DMC1: variants seen among roughly 807,000 people sequenced by gnomAD.
DMC1 encodes DNA meiotic recombinase 1, also known as meiotic recombination protein DMC1 homolog.
Under a neutral mutation model 50.1 loss-of-function variants are expected in DMC1, and 27 were observed. That is an observed-to-expected ratio of 0.54 (90% confidence interval 0.40 to 0.74). The LOEUF is 0.74. Among genes scored for constraint, DMC1 ranks in the 30% least tolerant of loss-of-function variants. DMC1 has a pLI of 0.00. For synonymous variants in DMC1, 148 were observed against 136.1 expected, an observed-to-expected ratio of 1.09 and a Z score of -0.61; for missense variants, 295 against 420.2, an observed-to-expected ratio of 0.70 and a Z score of 2.60.
intron 7 of DMC1, among the ~76,000 whole-genome samples, chr22:38,552,379 G>A (rs1285424263): frequency 3.3e-5 from 5 of 152,132 alleles, no homozygotes; most frequent in African/African-American, 4.8e-5. Flanking sequence ...AGAAAAGATG[G>A]AATGGGAAAA....
At chr22:38,533,287 T>C (rs906489285) in intron 12 of DMC1, among the ~76,000 whole-genome samples, 2 of 147,708 alleles carry the variant, frequency 1.4e-5, no homozygotes, top group Non-Finnish European at 3.0e-5. Context: ...CCCAAGCTAC[T>C]AGGGAGGCCG....
At chr22:38,532,792 A>T (rs2090167267) in intron 12 of DMC1, among the ~76,000 whole-genome samples, 1 of 150,310 alleles carries the variant, frequency 6.7e-6, no homozygotes, top group Non-Finnish European at 1.5e-5. Flanking sequence ...GCTAATTTTT[A>T]ATTTTTTTTA....
At position 38,570,094 on chromosome 22, in the gene DMC1, C is replaced by T. The variant is rs952518668; in HGVS notation, c.-85G>A. The T allele has an allele frequency of 3.3e-5, 5 of 152,212 alleles. No homozygotes were observed. The highest frequency in any genetic ancestry group is 6.5e-5 in the Admixed American group (1 of 15,272). The allele number at this position is 152,212 out of a possible 1,614,324, so 9.4% of individuals were successfully genotyped here. A position where few individuals can be genotyped will look rare whatever the true frequency, so the allele number is the denominator to read the frequency against. ...GATTTTCAAGGTGAAGCCCCTCTGC[C>T]CCGCCCGACCTCCTCAGCTGACAGG... On this transcript the variant is annotated 5_prime_UTR_variant, in exon 1 of 14. Coordinates refer to ENST00000216024, the MANE Select transcript of DMC1 (RefSeq NM_007068.4).
intron 12 of DMC1, among the ~76,000 whole-genome samples, chr22:38,530,269 G>A (rs1018394876): frequency 1.3e-5 from 2 of 151,848 alleles, no homozygotes; most frequent in African/African-American, 4.8e-5. Context: ...TGGCAGGGGA[G>A]GCTTTGAGAT....
chr22:38,518,508 C>A (rs981886862), downstream of DMC1, among the ~76,000 whole-genome samples: 4 of 151,656 alleles, frequency 2.6e-5, no homozygotes, highest in Non-Finnish European at 5.9e-5. Flanking sequence ...AATGGTACTT[C>A]GAATACTTGA....
At position 38,564,759 on chromosome 22, in the gene DMC1, C is replaced by T. The variant is rs192884159; in HGVS notation, c.243+1831G>A. Among the ~76,000 whole-genome samples, 207 of 152,306 alleles carry T rather than the reference C, an allele frequency of 1.4e-3. 1 individual carries two copies. The highest frequency in any genetic ancestry group is 1.3e-3 in the Non-Finnish European group (90 of 68,028). ...GATTTAATTTCCAAAGAAAACAACT[C>T]TAATGTCATAGAGCAGTTTCCCAAA... On this transcript the variant is annotated intron_variant, in intron 4 of 13. Coordinates refer to ENST00000216024, the MANE Select transcript of DMC1 (RefSeq NM_007068.4).
intron 12 of DMC1, 109 bp from the exon 13 acceptor site, chr22:38,521,833 G>T: frequency 1.2e-6 from 1 of 833,654 alleles, no homozygotes; most frequent in Non-Finnish European, 2.1e-6. Context: ...TGGAATAAGT[G>T]TATATTCTAA....
intron 5 of DMC1, among the ~76,000 whole-genome samples, chr22:38,556,633 G>C (rs1490445493): frequency 6.6e-6 from 1 of 152,092 alleles, no homozygotes; most frequent in Non-Finnish European, 1.5e-5. Flanking sequence ...ATAAGAAAAG[G>C]CCTAAATTTA....
In DMC1 at chr22:38,538,414, A is replaced by C. The variant is rs1240382101; in HGVS notation, c.661-5T>G. On this transcript the variant is annotated splice_region_variant and splice_polypyrimidine_tract_variant and intron_variant, in intron 10 of 13. Transcript: ENST00000216024. ...TGCCATTATTGAATCGATAATCTAC[A>C]CAGGATTAATGTAAAAATAAACATG... 6.2e-7 allele frequency: 1 copy of C among 1,613,372 alleles called. No homozygotes were observed. The highest frequency in any genetic ancestry group is 8.5e-7 in the Non-Finnish European group (1 of 1,179,392).
downstream of DMC1, among the ~76,000 whole-genome samples, chr22:38,518,121 C>T (rs11570438): frequency 0.01 from 1,562 of 152,136 alleles, 30 homozygotes; most frequent in African/African-American, 0.036. Flanking sequence ...TACAGACGTG[C>T]GTCATCGCGC....
intron 7 of DMC1, among the ~76,000 whole-genome samples, chr22:38,550,545 C>A (rs1175347117): frequency 1.2e-4 from 18 of 150,988 alleles, no homozygotes; most frequent in Admixed American, 3.3e-4. Flanking sequence ...ATCTCCTGAC[C>A]TCGTGATCTG....
intron 2 of DMC1, among the ~76,000 whole-genome samples, chr22:38,567,960 T>C (rs944439219): frequency 5.9e-5 from 9 of 152,238 alleles, no homozygotes; most frequent in African/African-American, 2.2e-4. Context: ...ACCAGGCTGC[T>C]ATTCGGTACC....
chr22:38,568,411 C>G, intron 1 of DMC1, 122 bp from the exon 2 acceptor site: 2 of 717,106 alleles, frequency 2.8e-6, no homozygotes, highest in Admixed American at 4.5e-5. Flanking sequence ...AAAGATGAGG[C>G]CAGCCTATCT....
Position 38,538,344 on chromosome 22 carries a change from C to T in DMC1, c.726G>A (p.Arg242=). The change falls in exon 11 of 14, where the codon CGG becomes CGA. Residue 242 remains arginine, a synonymous_variant. Coordinates refer to ENST00000216024, the MANE Select transcript of DMC1 (RefSeq NM_007068.4). The part of the protein sequence containing the change: ...DFSGRGELAE[R]QQKLAQMLSR... Reference sequence around the variant, plus strand: ...ACAACATCTGGGCCAATTTTTGCTGCCGTTCGGCCAACTCCCCACGGCCAC... The same window carrying T: ...ACAACATCTGGGCCAATTTTTGCTGTCGTTCGGCCAACTCCCCACGGCCAC... 6.2e-7 allele frequency: 1 copy of T among 1,614,048 alleles called. No homozygotes were observed. Among genetic ancestry groups the T allele is most frequent in the Non-Finnish European group, 8.5e-7 (1 of 1,180,026 alleles).
At chr22:38,516,390 G>T (rs2089976775), downstream of DMC1, among the ~76,000 whole-genome samples, 1 of 151,948 alleles carries the variant, frequency 6.6e-6, no homozygotes. Context: ...CTTCGTCAGG[G>T]GTACTCTGCT....
At chr22:38,510,687 T>C in the DMC1 span, among the ~76,000 whole-genome samples, 1 of 152,164 alleles carries the variant, frequency 6.6e-6, no homozygotes, top group African/African-American at 2.4e-5. Flanking sequence ...TCTTAGGATA[T>C]GAAAAGGAAA....
In DMC1 at chr22:38,521,599, A is replaced by T. The variant is rs780649273; in HGVS notation, c.953+9T>A. ...CACACACACACACACAAAATAAAAA[A>T]AAATTTACCTGTCATAAATCTTGGC... On this transcript the variant is annotated intron_variant, in intron 13 of 13. Transcript: ENST00000216024. 6.3e-7 allele frequency: 1 copy of T among 1,579,648 alleles called. No homozygotes were observed. The highest frequency in any genetic ancestry group is 8.7e-7 in the Non-Finnish European group (1 of 1,149,712).
chr22:38,560,532 G>T (rs2090516827), intron 5 of DMC1, among the ~76,000 whole-genome samples: 1 of 151,732 alleles, frequency 6.6e-6, no homozygotes, highest in Non-Finnish European at 1.5e-5. Context: ...AACAGTAGGG[G>T]CAAGGTCTCA....
intron 5 of DMC1, among the ~76,000 whole-genome samples, chr22:38,560,737 G>A (rs2090518588): frequency 6.6e-6 from 1 of 151,536 alleles, no homozygotes. Flanking sequence ...AAAATATCAA[G>A]CATAAACAAA....
Sources: gnomAD v4.1 joint callset for allele counts (sites outside exome capture counted in the v4.1 genomes callset) on GRCh38, gnomAD v4.1.1 for gene constraint, MANE v1.5 for transcripts, NCBI Gene and HGNC (gene_info 2026-07-23, HGNC 2026-07-21) for gene names.